Variants in TRERF1 observed in about 807,000 individuals in gnomAD.
The protein encoded by TRERF1 is transcriptional-regulating factor 1.
Under a neutral mutation model 122.9 loss-of-function variants are expected in TRERF1, and 27 were observed. The observed-to-expected ratio is 0.22, with a 90% confidence interval of 0.16 to 0.30. The LOEUF is 0.30. TRERF1 is among the 10% of genes least tolerant of loss of function. The pLI is 1.00. For missense variants in TRERF1, 1,248 were observed against 1,560.3 expected, an observed-to-expected ratio of 0.80 and a Z score of 3.37; for synonymous variants, 636 against 641.7, an observed-to-expected ratio of 0.99 and a Z score of 0.13.
At chr6:42,366,653 T>A (rs1338799090) in intron 2 of TRERF1, among the ~76,000 whole-genome samples, 2 of 152,186 alleles carry the variant, frequency 1.3e-5, no homozygotes, top group Non-Finnish European at 2.9e-5. Flanking sequence ...GAAATCCAGC[T>A]GTGTGGAGAA....
intron 13 of TRERF1, among the ~76,000 whole-genome samples, chr6:42,247,693 T>C (rs1775048273): frequency 6.6e-6 from 1 of 152,204 alleles, no homozygotes. Context: ...GATAATAATA[T>C]AAAGTTATAC....
intron 2 of TRERF1, among the ~76,000 whole-genome samples, chr6:42,371,295 G>A (rs1035048956): frequency 2.0e-5 from 3 of 152,174 alleles, no homozygotes; most frequent in African/African-American, 7.2e-5. Context: ...ATTCACAAGG[G>A]CCAGCAAAGA....
Position 42,260,122 on chromosome 6 carries a change from G to A in TRERF1, c.1885-399C>T, listed in dbSNP as rs796590081. ...CAGGAACAGATACCACATGTTCTGAGAAGGGGACAGAATAATCTCTTCAGG... is the reference window on the plus strand; with the variant it reads ...CAGGAACAGATACCACATGTTCTGAAAAGGGGACAGAATAATCTCTTCAGG... On this transcript the variant is annotated intron_variant, in intron 8 of 17. Transcript: ENST00000372922. Among the ~76,000 whole-genome samples the A allele has an allele frequency of 7.4e-4, 112 of 152,212 alleles. 1 individual carries two copies. Among genetic ancestry groups the A allele is most frequent in the African/African-American group, 2.5e-3 (103 of 41,512 alleles).
chr6:42,331,793 G>A (rs1765283475), intron 3 of TRERF1, among the ~76,000 whole-genome samples: 1 of 152,120 alleles, frequency 6.6e-6, no homozygotes, highest in African/African-American at 2.4e-5. Context: ...GCGCTGCCAG[G>A]GGCACACATA....
Position 42,259,655 on chromosome 6 carries a change from C to A in TRERF1, c.1953G>T (p.Lys651Asn). Residue 651 changes from lysine (K) to asparagine (N), a missense_variant, in exon 9 of 18, where the codon AAG becomes AAT. By Grantham distance (94) the Lys-to-Asn change is moderately conservative. Around this residue, in one of 5 missense-constraint regions of TRERF1, gnomAD observed 946 missense variants for 1,073.0 expected, o/e 0.88. Coordinates refer to ENST00000372922, the Ensembl canonical transcript of TRERF1. The surrounding 1 kb of genome is among the most constrained non-coding windows in gnomAD (Gnocchi z 4.9). ...GTTCCGGCCGGTGCCGGAACTTTTT[C>A]TTCTCCTGCACGGTCTTGAGGGGCT... The A allele has an allele frequency of 1.2e-6, 2 of 1,611,996 alleles. No individual in the cohort carries two copies. Among genetic ancestry groups the A allele is most frequent in the South Asian group, 1.1e-5 (1 of 91,086 alleles).
At chr6:42,292,807 A>G (rs1784519242) in intron 4 of TRERF1, among the ~76,000 whole-genome samples, 1 of 152,194 alleles carries the variant, frequency 6.6e-6, no homozygotes, top group Admixed American at 6.5e-5. Context: ...ACCTGGTATC[A>G]CCACCTAAAA....
chr6:42,436,360 C>G (rs1172710848), intron 2 of TRERF1, among the ~76,000 whole-genome samples: 2 of 129,390 alleles, frequency 1.5e-5, no homozygotes, highest in Non-Finnish European at 3.6e-5. Context: ...CAGAGTGAGA[C>G]TCCGTCTCAA....
At chr6:42,451,637 C>T (rs1347883272) in intron 1 of TRERF1, among the ~76,000 whole-genome samples, 37 bp downstream of exon 1, 3 of 148,428 alleles carry the variant, frequency 2.0e-5, no homozygotes, top group Admixed American at 6.7e-5. Context: ...CCCTCCCTCT[C>T]CTCCTCCCCA....
intron 4 of TRERF1, among the ~76,000 whole-genome samples, chr6:42,293,460 G>C (rs1457943045): frequency 6.6e-6 from 1 of 152,182 alleles, no homozygotes. Context: ...CATGGCTTGA[G>C]TGTTGTCCAA....
intron 2 of TRERF1, among the ~76,000 whole-genome samples, chr6:42,368,338 T>C (rs1317653050): frequency 6.6e-6 from 1 of 152,178 alleles, no homozygotes; most frequent in Non-Finnish European, 1.5e-5. Context: ...CTCAGTCTCC[T>C]GATGGTTGGC....
Position 42,263,451 on chromosome 6 carries a change from G to A in TRERF1, c.1753C>T (p.Pro585Ser). Reference sequence around the variant, plus strand: ...AGAAGCTTGACAGGGACAGACACGGGCATGACCATAGGCGTGAGGCTTTCT... The same window carrying A: ...AGAAGCTTGACAGGGACAGACACGGACATGACCATAGGCGTGAGGCTTTCT... Residue 585 changes from proline (P) to serine (S), a missense_variant, in exon 8 of 18, where the codon CCC (proline) becomes TCC (serine). This residue lies in a region of TRERF1 where 946 missense variants were observed against 1,073.0 expected (regional missense o/e 0.88). Coordinates refer to ENST00000372922, the Ensembl canonical transcript of TRERF1. The surrounding 1 kb of genome is among the most constrained non-coding windows in gnomAD (Gnocchi z 5.6). 1 of 1,608,770 alleles carries A rather than the reference G, an allele frequency of 6.2e-7. No individual in the cohort carries two copies. Among genetic ancestry groups the A allele is most frequent in the Non-Finnish European group, 8.5e-7 (1 of 1,177,300 alleles).
chr6:42,371,907 C>T (rs1027636511), intron 2 of TRERF1, among the ~76,000 whole-genome samples: 1 of 152,148 alleles, frequency 6.6e-6, no homozygotes, highest in African/African-American at 2.4e-5. Flanking sequence ...TAAGGCTGGG[C>T]GCAGTGGCTC....
chr6:42,375,762 A>G (rs1417280295), intron 2 of TRERF1, among the ~76,000 whole-genome samples: 1 of 152,054 alleles, frequency 6.6e-6, no homozygotes, highest in Non-Finnish European at 1.5e-5. Flanking sequence ...GATCACGATC[A>G]CTATGGGGAA....
At chr6:42,379,029 AG>A (rs1264032073) in intron 2 of TRERF1, among the ~76,000 whole-genome samples, 2 of 152,108 alleles carry the variant, frequency 1.3e-5, no homozygotes, top group African/African-American at 4.8e-5. Context: ...CTGAGGTGGG[AG>A]GATCAATTGA....
chr6:42,253,735 G>A (rs887456659), intron 13 of TRERF1, among the ~76,000 whole-genome samples: 3 of 152,170 alleles, frequency 2.0e-5, no homozygotes, highest in South Asian at 2.1e-4. Context: ...AGGAAGGCTC[G>A]TTCATGAAAG....
intron 3 of TRERF1, among the ~76,000 whole-genome samples, chr6:42,356,462 C>A (rs1367666253): frequency 6.6e-6 from 1 of 152,226 alleles, no homozygotes; most frequent in Non-Finnish European, 1.5e-5. Context: ...GAGCACACAG[C>A]AAGATGGCTC....
intron 4 of TRERF1, among the ~76,000 whole-genome samples, chr6:42,270,400 C>T (rs554510536): frequency 6.6e-6 from 1 of 152,300 alleles, no homozygotes; most frequent in South Asian, 2.1e-4. Flanking sequence ...TTCATCCATT[C>T]TTCTGAGACC....
At position 42,276,438 on chromosome 6, in the gene TRERF1, T is replaced by G. The variant is rs1458032188; in HGVS notation, c.-258-6590A>C. 6.6e-6 allele frequency among the ~76,000 whole-genome samples: 1 copy of G among 152,062 alleles called. No individual in the cohort carries two copies. Among genetic ancestry groups the G allele is most frequent in the African/African-American group, 2.4e-5 (1 of 41,408 alleles). Reference sequence around the variant, plus strand: ...ATTCTCCAAATGCCTTGGCTTGTGTTTTAGTCCAGCCTTCCTCTCGGCTCT... The same window carrying G: ...ATTCTCCAAATGCCTTGGCTTGTGTGTTAGTCCAGCCTTCCTCTCGGCTCT... On this transcript the variant is annotated intron_variant, in intron 4 of 17. Transcript: ENST00000372922. The surrounding 1 kb of genome is among the most constrained non-coding windows in gnomAD (Gnocchi z 4.3).
chr6:42,242,589 T>C (rs1399822426), intron 15 of TRERF1, among the ~76,000 whole-genome samples: 1 of 152,196 alleles, frequency 6.6e-6, no homozygotes, highest in Non-Finnish European at 1.5e-5. Context: ...CAAGTGATAG[T>C]AATCATCAAA....
Sources: allele counts gnomAD v4.1 joint callset (sites outside exome capture counted in the v4.1 genomes callset), GRCh38; gene constraint gnomAD v4.1.1; regional missense constraint gnomAD v4.1.1; non-coding constraint Gnocchi (gnomAD v3.1); transcripts MANE v1.5; gene names NCBI Gene and HGNC (gene_info 2026-07-23, HGNC 2026-07-21).